CNBD1: variants seen among roughly 807,000 people sequenced by gnomAD.
CNBD1 encodes cyclic nucleotide-binding domain-containing protein 1.
A neutral mutation model predicts 54.4 loss-of-function variants in CNBD1; 71 were observed. The observed-to-expected ratio is 1.30, with a 90% CI of 1.08 to 1.59. The LOEUF is 1.59. Among genes scored for constraint, CNBD1 ranks in the 40% most tolerant of loss-of-function variants. CNBD1 has a pLI of 0.00. For synonymous variants in CNBD1, 182 were observed against 170.7 expected, an observed-to-expected ratio of 1.07 and a Z score of -0.51; for missense variants, 659 against 518.0, an observed-to-expected ratio of 1.27 and a Z score of -2.64.
At position 87,055,366 on chromosome 8, in the gene CNBD1, A is replaced by G. The variant is rs533108557; in HGVS notation, c.431+115612A>G. Among the ~76,000 whole-genome samples the G allele has an allele frequency of 4.6e-5, 7 of 152,258 alleles. No homozygotes were observed. The South Asian group carries it at 1.5e-3, about 32-fold the overall frequency. On this transcript the variant is annotated intron_variant, in intron 4 of 10. Coordinates refer to ENST00000518476, the MANE Select transcript of CNBD1 (RefSeq NM_173538.3). ...CTCCCCCTATCTATGCAACTGTGGGACATTCCTAGGTAGGCACAAAGCATA... is the reference window on the plus strand; with the variant it reads ...CTCCCCCTATCTATGCAACTGTGGGGCATTCCTAGGTAGGCACAAAGCATA...
chr8:87,160,834 G>A (rs1812842991), intron 4 of CNBD1, among the ~76,000 whole-genome samples: 1 of 152,060 alleles, frequency 6.6e-6, no homozygotes, highest in Admixed American at 6.6e-5. Context: ...ACTCCAGGAT[G>A]TATTATCGTG....
intron 4 of CNBD1, among the ~76,000 whole-genome samples, chr8:87,068,343 G>GT (rs147924824): frequency 0.014 from 2,131 of 152,010 alleles, 53 homozygotes; most frequent in African/African-American, 0.045. Context: ...ATACTGTTTT[G>GT]TTTTTTCATT....
At chr8:87,324,604 G>C (rs1457448485) in intron 8 of CNBD1, among the ~76,000 whole-genome samples, 1 of 149,580 alleles carries the variant, frequency 6.7e-6, no homozygotes, top group Non-Finnish European at 1.5e-5. Flanking sequence ...GGTGTTTGTA[G>C]TATTCTCTGA....
intron 4 of CNBD1, among the ~76,000 whole-genome samples, chr8:86,985,347 G>C (rs182482313): frequency 3.6e-4 from 55 of 152,214 alleles, no homozygotes; most frequent in Non-Finnish European, 6.0e-4. Flanking sequence ...CCCAGGTAGT[G>C]AGCATATTAC....
At chr8:87,164,519 TG>T (rs1342352643) in intron 4 of CNBD1, among the ~76,000 whole-genome samples, 1 of 151,738 alleles carries the variant, frequency 6.6e-6, no homozygotes, top group Admixed American at 6.6e-5. Flanking sequence ...GAATCAGTTC[TG>T]GTAGGTTCTA....
chr8:86,973,219 C>T (rs190174093), intron 4 of CNBD1, among the ~76,000 whole-genome samples: 3 of 152,286 alleles, frequency 2.0e-5, no homozygotes, highest in Admixed American at 2.0e-4. Context: ...TGTGCCTGTG[C>T]TAATGCTCTT....
At chr8:87,009,973 T>C (rs1809181226) in intron 4 of CNBD1, among the ~76,000 whole-genome samples, 1 of 152,254 alleles carries the variant, frequency 6.6e-6, no homozygotes, top group Admixed American at 6.5e-5. Context: ...TCTTCTTTTT[T>C]TGAAATGTCA....
At chr8:87,164,702 T>C (rs1416588992) in intron 4 of CNBD1, among the ~76,000 whole-genome samples, 1 of 151,650 alleles carries the variant, frequency 6.6e-6, no homozygotes, top group East Asian at 1.9e-4. Flanking sequence ...TAAAGTTTCA[T>C]AAATTTTGTT....
intron 3 of CNBD1, among the ~76,000 whole-genome samples, chr8:86,916,502 A>C (rs1479618479): frequency 2.0e-5 from 3 of 151,994 alleles, no homozygotes; most frequent in Non-Finnish European, 4.4e-5. Flanking sequence ...CTCTTGAGGC[A>C]TTCTTCCCTT....
intron 4 of CNBD1, among the ~76,000 whole-genome samples, chr8:87,114,106 A>C (rs2130707522): frequency 6.6e-6 from 1 of 152,360 alleles, no homozygotes; most frequent in Admixed American, 6.5e-5. Flanking sequence ...AGCTACTATT[A>C]GAATTTCCTT....
chr8:86,978,045 T>C (rs897174456), intron 4 of CNBD1, among the ~76,000 whole-genome samples: 3 of 152,192 alleles, frequency 2.0e-5, no homozygotes, highest in Non-Finnish European at 4.4e-5. Flanking sequence ...ATGTCCTCTT[T>C]ATATTAAAGT....
intron 4 of CNBD1, among the ~76,000 whole-genome samples, chr8:86,964,167 G>C (rs1403297505): frequency 0.03 from 5 of 166 alleles, no homozygotes; most frequent in African/African-American, 0.038. Context: ...TCCCCTCTTA[G>C]ATTTCTGAGG....
At position 87,206,054 on chromosome 8, in the gene CNBD1, G is replaced by C; in HGVS notation, c.493G>C (p.Asp165His). ...GTGGAAGTTCCTGAAAACAATTCCA[G>C]ATTTAACCTTTCAGCTAAATGATAA... is the stretch of plus-strand genomic sequence containing the variant. ...TVWKFLKTIP[D>H]LTFQLNDKHL... Residue 165 changes from aspartate to histidine, a missense_variant, in exon 5 of 11, where the codon GAT becomes CAT. Physicochemically the swap from Asp to His is moderately conservative, Grantham distance 81. Coordinates refer to ENST00000518476, the MANE Select transcript of CNBD1 (RefSeq NM_173538.3). 1 of 1,603,378 alleles carries C rather than the reference G, an allele frequency of 6.2e-7. No individual in the cohort carries two copies. Among genetic ancestry groups the C allele is most frequent in the Non-Finnish European group, 8.5e-7 (1 of 1,175,176 alleles).
chr8:87,183,350 T>TTTTG (rs553498825), intron 4 of CNBD1, among the ~76,000 whole-genome samples: 14 of 150,316 alleles, frequency 9.3e-5, no homozygotes, highest in South Asian at 2.1e-4. Context: ...CTTTGTTTTC[T>TTTTG]TTTGTTTGTT....
intron 4 of CNBD1, among the ~76,000 whole-genome samples, chr8:87,047,865 G>A (rs1037007200): frequency 1.3e-5 from 2 of 152,206 alleles, no homozygotes; most frequent in African/African-American, 4.8e-5. Context: ...AAAAGGAAAA[G>A]TGGAAATAAC....
At position 87,301,998 on chromosome 8, in the gene CNBD1, A is replaced by G. The variant is rs1585995103; in HGVS notation, c.1042+15327A>G. On this transcript the variant is annotated intron_variant, in intron 8 of 10. Coordinates refer to ENST00000518476, the MANE Select transcript of CNBD1 (RefSeq NM_173538.3). ...CTCTGAAATTGAGGCAGTAATTAAT[A>G]GCTTACCAACCAAAAAAAGTCCAGG... is the stretch of plus-strand genomic sequence containing the variant. Among the ~76,000 whole-genome samples the G allele has an allele frequency of 5.3e-5, 8 of 152,344 alleles. No individual in the cohort carries two copies. The South Asian group carries it at 1.7e-3, about 32-fold the overall frequency.
intron 4 of CNBD1, among the ~76,000 whole-genome samples, chr8:87,068,603 A>G (rs1810701850): frequency 6.6e-6 from 1 of 152,094 alleles, no homozygotes; most frequent in Non-Finnish European, 1.5e-5. Context: ...AGTATTTTCT[A>G]AAAGCAAGGG....
chr8:87,128,944 G>A (rs1429242375), intron 4 of CNBD1, among the ~76,000 whole-genome samples: 11 of 148,550 alleles, frequency 7.4e-5, no homozygotes, highest in Admixed American at 3.4e-4. Context: ...AAAATTAGCC[G>A]GGATTGGTGG....
intron 4 of CNBD1, among the ~76,000 whole-genome samples, chr8:87,107,337 G>A (rs776055263): frequency 2.0e-5 from 3 of 152,062 alleles, no homozygotes; most frequent in Admixed American, 6.5e-5. Context: ...TTCTAGTAAC[G>A]TTAACCTTTG....
Sources: gnomAD v4.1 joint callset for allele counts (sites outside exome capture counted in the v4.1 genomes callset) on GRCh38, gnomAD v4.1.1 for gene constraint, MANE v1.5 for transcripts, NCBI Gene and HGNC (gene_info 2026-07-23, HGNC 2026-07-21) for gene names.